SFXN4: variants seen among roughly 807,000 people sequenced by gnomAD.
SFXN4 encodes sideroflexin 4.
SFXN4 carries 48 observed loss-of-function variants against 54.6 expected under a neutral mutation model. That is an observed-to-expected ratio of 0.88 (90% CI 0.70 to 1.12). The LOEUF (loss-of-function observed/expected upper bound fraction) is 1.12, where lower values mean the gene tolerates loss of function less well. Ranked by LOEUF, SFXN4 falls within the 50% of genes most tolerant of loss-of-function variation. The pLI, the probability that SFXN4 is intolerant of heterozygous loss-of-function variation, is 0.00. For missense variants in SFXN4, 383 were observed against 409.2 expected (o/e 0.94, Z 0.55); for synonymous variants, 130 against 145.5 (o/e 0.89, Z 0.77).
At chr10:119,160,688 C>G (rs1047427317) in intron 5 of SFXN4, among the ~76,000 whole-genome samples, 1 of 148,072 alleles carries the variant, frequency 6.8e-6, no homozygotes, top group African/African-American at 2.5e-5. Flanking sequence ...CTCCCGGGTT[C>G]AAGTTCAAGC....
chr10:119,156,623 C>T, intron 10 of SFXN4, 55 bp downstream of exon 10: 1 of 1,374,624 alleles, frequency 7.3e-7, no homozygotes, highest in Non-Finnish European at 1.0e-6. Context: ...AAGGAAGGCT[C>T]ACAGACCACA....
chr10:119,164,002 T>C (rs1847659508), intron 2 of SFXN4, 129 bp downstream of exon 2: 1 of 631,784 alleles, frequency 1.6e-6, no homozygotes, highest in East Asian at 3.0e-5. Flanking sequence ...ATGGTGCCAC[T>C]GCACTCCATC....
At chr10:119,150,821 A>C (rs1180437353) in intron 11 of SFXN4, among the ~76,000 whole-genome samples, 1 of 152,232 alleles carries the variant, frequency 6.6e-6, no homozygotes, top group East Asian at 1.9e-4. Context: ...AAGATGTGCA[A>C]GTGAATGTCG....
intron 11 of SFXN4, among the ~76,000 whole-genome samples, chr10:119,149,378 C>G (rs948638814): frequency 6.6e-6 from 1 of 152,150 alleles, no homozygotes; most frequent in Non-Finnish European, 1.5e-5. Flanking sequence ...GTGACAGTCA[C>G]GCTTGCATGG....
intron 5 of SFXN4, 116 bp from the exon 6 acceptor site, chr10:119,159,869 C>T: frequency 4.6e-6 from 5 of 1,089,140 alleles, no homozygotes; most frequent in Non-Finnish European, 7.0e-6. Context: ...GCACAGACCT[C>T]AAAGGACTTT....
chr10:119,154,966 G>A (rs1188886948), intron 11 of SFXN4, 96 bp downstream of exon 11: 1 of 813,034 alleles, frequency 1.2e-6, no homozygotes, highest in African/African-American at 1.7e-5. Flanking sequence ...GTAAAGAAAG[G>A]TTGAAGGCAG....
intron 12 of SFXN4, 86 bp from the exon 13 acceptor site, chr10:119,146,439 G>A: frequency 5.3e-6 from 3 of 561,440 alleles, no homozygotes; most frequent in Non-Finnish European, 9.5e-6. Flanking sequence ...GTGTGTGTGT[G>A]TGTGTGTGTG....
At chr10:119,155,793 A>G (rs1349550004) in intron 10 of SFXN4, among the ~76,000 whole-genome samples, 4 of 151,966 alleles carry the variant, frequency 2.6e-5, no homozygotes, top group African/African-American at 4.8e-5. Flanking sequence ...ATGCCCGGCC[A>G]AAGTTGTAAG....
At chr10:119,157,761 G>A (rs1847331433) in intron 8 of SFXN4, 28 bp from the exon 9 acceptor site, 1 of 1,603,720 alleles carries the variant, frequency 6.2e-7, no homozygotes, top group South Asian at 1.1e-5. Flanking sequence ...TACTTAATTA[G>A]CAAATATCAC....
chr10:119,162,957 G>A (rs1039033769), intron 2 of SFXN4, among the ~76,000 whole-genome samples: 2 of 151,818 alleles, frequency 1.3e-5, no homozygotes, highest in Non-Finnish European at 2.9e-5. Context: ...CACTACACCT[G>A]GCTAACTTTC....
chr10:119,142,662 T>A (rs1366191741), intron 13 of SFXN4, among the ~76,000 whole-genome samples: 2 of 149,330 alleles, frequency 1.3e-5, no homozygotes, highest in African/African-American at 2.5e-5. Context: ...GCCATTCTCC[T>A]GCCTCAACCT....
chr10:119,159,911 G>A (rs957141183), intron 5 of SFXN4, among the ~76,000 whole-genome samples, 158 bp from the exon 6 acceptor site: 4 of 152,138 alleles, frequency 2.6e-5, no homozygotes, highest in African/African-American at 9.7e-5. Flanking sequence ...CTAATAAAGT[G>A]GGGGGTCAAG....
intron 12 of SFXN4, among the ~76,000 whole-genome samples, 177 bp downstream of exon 12, chr10:119,147,598 G>A (rs994255437): frequency 8.5e-5 from 13 of 152,112 alleles, no homozygotes; most frequent in Non-Finnish European, 1.5e-4. Flanking sequence ...GGTGGAATCC[G>A]TACACCCGGA....
In SFXN4 at chr10:119,160,949, G is replaced by A; in HGVS notation, c.300C>T (p.Ser100=). ...GAAAAAGCTTGGGGATCAGGTTGCTGCTGTCGGGATGCACTGTTGCCTTCA... is the reference window on the plus strand; with the variant it reads ...GAAAAAGCTTGGGGATCAGGTTGCTACTGTCGGGATGCACTGTTGCCTTCA... ...KRSLATVHPD[S]SNLIPKLFRP... is the part of the protein sequence containing the mutation. The change falls in exon 5 of 14, where the codon AGC becomes AGT. Residue 100 remains serine, a synonymous_variant. Transcript: ENST00000355697. 6.2e-7 allele frequency: 1 copy of A among 1,614,116 alleles called. No homozygotes were observed. The highest frequency in any genetic ancestry group is 8.5e-7 in the Non-Finnish European group (1 of 1,180,026).
rs1846500386 is a variant in SFXN4 at position 119,141,089 on chromosome 10, C to G, written c.*153G>C. 3.5e-6 allele frequency: 2 copies of G among 575,628 alleles called. No homozygotes were observed. Among genetic ancestry groups the G allele is most frequent in the South Asian group, 4.9e-5 (2 of 40,484 alleles). 35.7% of individuals were successfully genotyped at this position (575,628 alleles called of 1,614,324 possible). A position where few individuals can be genotyped will look rare whatever the true frequency, so the allele number is the denominator to read the frequency against. ...CCTTAAAAACCCCAGAGACGCCAGC[C>G]TGGGAACGATCTCAGTATGGAATCT... On this transcript the variant is annotated 3_prime_UTR_variant, in exon 14 of 14. Transcript: ENST00000355697.
At chr10:119,161,606 G>A (rs1282440251) in intron 3 of SFXN4, among the ~76,000 whole-genome samples, 3 of 152,058 alleles carry the variant, frequency 2.0e-5, no homozygotes, top group East Asian at 3.8e-4. Context: ...ATAAACAAAT[G>A]AACTAATGAC....
chr10:119,161,949 G>A (rs1201075755), intron 3 of SFXN4, among the ~76,000 whole-genome samples: 1 of 152,214 alleles, frequency 6.6e-6, no homozygotes, highest in East Asian at 1.9e-4. Flanking sequence ...CAGTCCGTTT[G>A]AGCCTATCGG....
chr10:119,151,145 G>A (rs1387958277), intron 11 of SFXN4, among the ~76,000 whole-genome samples: 1 of 152,142 alleles, frequency 6.6e-6, no homozygotes, highest in Non-Finnish European at 1.5e-5. Flanking sequence ...CGAGGCGGGT[G>A]GGTCATGAGG....
At chr10:119,153,905 C>T (rs544985857) in intron 11 of SFXN4, among the ~76,000 whole-genome samples, 3 of 152,292 alleles carry the variant, frequency 2.0e-5, no homozygotes, top group South Asian at 2.1e-4. Context: ...CCACCAGGCG[C>T]GGTGGCTCAC....
Sources: allele counts gnomAD v4.1 joint callset (sites outside exome capture counted in the v4.1 genomes callset), GRCh38; gene constraint gnomAD v4.1.1; transcripts MANE v1.5; gene names NCBI Gene and HGNC (gene_info 2026-07-23, HGNC 2026-07-21).